PCLO: variants seen among roughly 807,000 people sequenced by gnomAD.
The protein encoded by PCLO is piccolo presynaptic cytomatrix protein.
A neutral mutation model predicts 427.5 loss-of-function variants in PCLO; 82 were observed. The observed-to-expected ratio is 0.19, with a 90% CI of 0.16 to 0.23. The LOEUF is 0.23. Among genes scored for constraint, PCLO ranks in the 10% least tolerant of loss-of-function variants. The pLI is 1.00. For synonymous variants in PCLO, 2,357 were observed against 2,155.4 expected (o/e 1.09, Z -2.59); for missense variants, 6,239 against 6,115.9 (o/e 1.02, Z -0.67).
At chr7:83,121,398 A>G (rs1283555511) in intron 3 of PCLO, among the ~76,000 whole-genome samples, 3 of 152,180 alleles carry the variant, frequency 2.0e-5, no homozygotes, top group Non-Finnish European at 4.4e-5. Flanking sequence ...AAAAAATAAA[A>G]GCAAGAAATT....
chr7:83,082,082 T>C (rs1280872362), intron 3 of PCLO, among the ~76,000 whole-genome samples: 1 of 151,280 alleles, frequency 6.6e-6, no homozygotes, highest in Admixed American at 6.6e-5. Context: ...CCTAAGAAAT[T>C]TTCCTCCATT....
At chr7:82,848,487 T>G (rs1792565786) in intron 10 of PCLO, among the ~76,000 whole-genome samples, 1 of 151,540 alleles carries the variant, frequency 6.6e-6, no homozygotes, top group South Asian at 2.1e-4. Context: ...ATTTTTGTAT[T>G]TTTAGTAGAG....
intron 3 of PCLO, among the ~76,000 whole-genome samples, chr7:82,998,288 T>C (rs181732208): frequency 1.3e-4 from 19 of 151,960 alleles, no homozygotes; most frequent in Middle Eastern, 3.4e-3. Context: ...CAGTAAATAT[T>C]TGGGGAAAAA....
chr7:82,985,728 A>C (rs913099473), intron 3 of PCLO, among the ~76,000 whole-genome samples: 2 of 151,972 alleles, frequency 1.3e-5, no homozygotes, highest in African/African-American at 4.8e-5. Context: ...AATAAAATAC[A>C]AATGTCTTTT....
At chr7:82,935,941 T>C (rs1794943942) in intron 6 of PCLO, among the ~76,000 whole-genome samples, 1 of 151,700 alleles carries the variant, frequency 6.6e-6, no homozygotes, top group Admixed American at 6.6e-5. Context: ...AAGAAGGTTC[T>C]AATGTAAAGT....
At chr7:82,800,726 G>T (rs1341482006) in intron 22 of PCLO, among the ~76,000 whole-genome samples, 1 of 152,042 alleles carries the variant, frequency 6.6e-6, no homozygotes, top group African/African-American at 2.4e-5. Context: ...CTCCTGAGTA[G>T]CTGGGATTAC....
At chr7:83,150,757 C>A (rs1792108607) in intron 2 of PCLO, among the ~76,000 whole-genome samples, 1 of 152,066 alleles carries the variant, frequency 6.6e-6, no homozygotes, top group Admixed American at 6.6e-5. Context: ...TTAAGTGTAT[C>A]TATTTCACCC....
chr7:83,048,483 T>C (rs374547523), intron 3 of PCLO, among the ~76,000 whole-genome samples: 10 of 152,058 alleles, frequency 6.6e-5, no homozygotes, highest in South Asian at 2.1e-4. Context: ...TGTTGGTTAA[T>C]TGCGGTTTCA....
intron 2 of PCLO, among the ~76,000 whole-genome samples, chr7:83,150,908 C>G (rs1285191846): frequency 6.6e-6 from 1 of 152,066 alleles, no homozygotes; most frequent in Non-Finnish European, 1.5e-5. Flanking sequence ...GCAACTTGAC[C>G]CAGAGTGTTA....
At chr7:82,819,456 CT>C (rs1328936009) in intron 20 of PCLO, among the ~76,000 whole-genome samples, 2 of 146,888 alleles carry the variant, frequency 1.4e-5, no homozygotes, top group East Asian at 4.1e-4. Context: ...TGTTTGATTA[CT>C]GTGAAATTTA....
chr7:83,155,128 C>A lies in PCLO; in HGVS notation c.1513G>T (p.Gly505Cys). ...GSAKPPSQQP[G>C]STKPPPQQPG... is the part of the protein sequence containing the mutation. Reference sequence around the variant, plus strand: ...TGTTGAGGTGGGGGTTTTGTTGAGCCAGGCTGTTGAGATGGGGGCTTTGCT... The same window carrying A: ...TGTTGAGGTGGGGGTTTTGTTGAGCAAGGCTGTTGAGATGGGGGCTTTGCT... Residue 505 changes from glycine (G) to cysteine (C), a missense_variant, in exon 2 of 25, where the codon GGC (glycine) becomes TGC (cysteine). This residue lies in a region of PCLO where 4,677 missense variants were observed against 4,468.4 expected (regional missense o/e 1.05). Coordinates refer to ENST00000333891, the MANE Select transcript of PCLO (RefSeq NM_033026.6). The A allele has an allele frequency of 6.7e-7, 1 of 1,490,652 alleles. No homozygotes were observed. The highest frequency in any genetic ancestry group is 9.0e-7 in the Non-Finnish European group (1 of 1,107,438). 92.3% of individuals were successfully genotyped at this position (1,490,652 alleles called of 1,614,324 possible).
At chr7:83,043,317 T>G (rs1321275692) in intron 3 of PCLO, among the ~76,000 whole-genome samples, 2 of 152,218 alleles carry the variant, frequency 1.3e-5, no homozygotes, top group African/African-American at 2.4e-5. Context: ...CTATTTCCTT[T>G]GACCTTTCAG....
intron 3 of PCLO, among the ~76,000 whole-genome samples, chr7:83,106,508 C>A (rs1340740187): frequency 6.6e-6 from 1 of 152,098 alleles, no homozygotes; most frequent in Non-Finnish European, 1.5e-5. Flanking sequence ...TGAAATATTT[C>A]TACTATAATA....
At chr7:83,108,826 C>T (rs16887410) in intron 3 of PCLO, among the ~76,000 whole-genome samples, 47,046 of 151,796 alleles carry the variant, frequency 0.31, 8,245 homozygotes, top group East Asian at 0.62. Flanking sequence ...AATATGAGCT[C>T]TTTCATTAAT....
intron 3 of PCLO, among the ~76,000 whole-genome samples, chr7:83,010,308 C>T (rs1488853774): frequency 2.0e-5 from 3 of 151,796 alleles, no homozygotes; most frequent in Admixed American, 1.3e-4. Context: ...CTCAACTCAT[C>T]GTACCCCAAG....
chr7:82,811,982 GA>G (rs1791581877), intron 20 of PCLO, among the ~76,000 whole-genome samples: 1 of 151,334 alleles, frequency 6.6e-6, no homozygotes, highest in Non-Finnish European at 1.5e-5. Flanking sequence ...CAAGTCATGA[GA>G]AATGGAATGT....
At chr7:82,964,503 AAGAC>A (rs1795721338) in intron 4 of PCLO, among the ~76,000 whole-genome samples, 1 of 152,172 alleles carries the variant, frequency 6.6e-6, no homozygotes, top group African/African-American at 2.4e-5. Context: ...AGGAGGAACA[AAGAC>A]AGAACTCAAA....
At chr7:82,878,427 T>C (rs1320566257) in intron 10 of PCLO, among the ~76,000 whole-genome samples, 1 of 152,144 alleles carries the variant, frequency 6.6e-6, no homozygotes, top group African/African-American at 2.4e-5. Context: ...TCAAATAATA[T>C]TATATTTAGA....
intron 3 of PCLO, among the ~76,000 whole-genome samples, chr7:83,131,175 T>C (rs1206842309): frequency 6.6e-6 from 1 of 152,200 alleles, no homozygotes; most frequent in Admixed American, 6.5e-5. Flanking sequence ...AGGTATTTTC[T>C]GACTTGGCAG....
Sources: gnomAD v4.1 joint callset for allele counts (sites outside exome capture counted in the v4.1 genomes callset) on GRCh38, gnomAD v4.1.1 for gene constraint, gnomAD v4.1.1 regional missense constraint, MANE v1.5 for transcripts, NCBI Gene and HGNC (gene_info 2026-07-23, HGNC 2026-07-21) for gene names.